Variants in ADGRB1 observed in about 807,000 individuals in gnomAD.
ADGRB1 encodes the protein brain-specific angiogenesis inhibitor 1.
ADGRB1 carries 36 observed loss-of-function variants against 175.7 expected under a neutral mutation model. The ratio of observed to expected loss-of-function variants is 0.20; its 90% CI spans 0.16 to 0.27. ADGRB1 has a LOEUF of 0.27. Among genes scored for constraint, ADGRB1 ranks in the 10% least tolerant of loss-of-function variants. The pLI is 1.00. For missense variants in ADGRB1, 1,731 were observed against 2,255.3 expected, an observed-to-expected ratio of 0.77 and a Z score of 4.71; for synonymous variants, 1,054 against 979.4, an observed-to-expected ratio of 1.08 and a Z score of -1.42.
intron 27 of ADGRB1, among the ~76,000 whole-genome samples, chr8:142,541,024 C>A (rs1255983094): frequency 6.6e-6 from 1 of 152,062 alleles, no homozygotes. Context: ...AAGGGAGCAG[C>A]TGGTGAACAC....
At chr8:142,475,372 C>T in intron 2 of ADGRB1, 102 bp from the exon 3 acceptor site, 1 of 1,173,876 alleles carries the variant, frequency 8.5e-7, no homozygotes, top group Non-Finnish European at 1.1e-6. Flanking sequence ...CGGCCCCTCC[C>T]CACCCGGGCC....
intron 17 of ADGRB1, among the ~76,000 whole-genome samples, chr8:142,509,410 T>G (rs2132028846): frequency 6.6e-6 from 1 of 152,288 alleles, no homozygotes; most frequent in Middle Eastern, 3.4e-3. Context: ...AGGTGTCTGA[T>G]CAGAGGCGGC....
intron 18 of ADGRB1, among the ~76,000 whole-genome samples, chr8:142,514,494 T>C (rs964916230): frequency 6.6e-6 from 1 of 152,090 alleles, no homozygotes. Flanking sequence ...CTAGGTGATA[T>C]ATTTATGGCA....
intron 9 of ADGRB1, among the ~76,000 whole-genome samples, chr8:142,480,106 C>A (rs1398408086): frequency 6.6e-6 from 1 of 152,246 alleles, no homozygotes; most frequent in Non-Finnish European, 1.5e-5. Flanking sequence ...GAAGTGAATG[C>A]CCTTGCCCGG....
At chr8:142,529,175 CAT>C (rs142392291) in intron 24 of ADGRB1, among the ~76,000 whole-genome samples, 13,940 of 152,254 alleles carry the variant, frequency 0.092, 980 homozygotes, top group East Asian at 0.3. Flanking sequence ...CATGAGCACA[CAT>C]GTGAGAGCAT....
intron 24 of ADGRB1, among the ~76,000 whole-genome samples, chr8:142,528,713 T>C (rs1844395519): frequency 6.6e-6 from 1 of 152,090 alleles, no homozygotes; most frequent in Non-Finnish European, 1.5e-5. Flanking sequence ...TCACCTTCTG[T>C]TTGTTTTATG....
intron 23 of ADGRB1, among the ~76,000 whole-genome samples, chr8:142,525,966 G>A (rs1055920817): frequency 2.6e-5 from 4 of 152,152 alleles, no homozygotes; most frequent in Non-Finnish European, 5.9e-5. Flanking sequence ...GTGGCTTCCC[G>A]GGGGTGCTCC....
At chr8:142,530,336 G>A (rs544658566) in intron 24 of ADGRB1, among the ~76,000 whole-genome samples, 1 of 152,228 alleles carries the variant, frequency 6.6e-6, no homozygotes, top group East Asian at 1.9e-4. Flanking sequence ...CTGACCTTGG[G>A]CAGCCTTAGC....
Position 142,544,345 on chromosome 8 carries a change from G to A in ADGRB1, c.4683G>A (p.Val1561=). The A allele has an allele frequency of 1.9e-6, 3 of 1,545,908 alleles. No homozygotes were observed. The highest frequency in any genetic ancestry group is 2.0e-5 in the Admixed American group (1 of 50,360). ...CGTCGCCGCTGGAGCTTCGCAGCGTGGAGTGGGAGAGGTCGGGCGCCACGA... is the reference window on the plus strand; with the variant it reads ...CGTCGCCGCTGGAGCTTCGCAGCGTAGAGTGGGAGAGGTCGGGCGCCACGA... ...LQPSPLELRS[V]EWERSGATIP... is the part of the protein sequence containing the mutation. Residue 1561 remains valine (V), a synonymous_variant, in exon 31 of 31, where the codon GTG becomes GTA. Transcript: ENST00000517894.
At position 142,455,497 on chromosome 8, in the gene ADGRB1, G is replaced by A. The variant is rs186618793; in HGVS notation, c.-220+5393G>A. 5.9e-5 allele frequency among the ~76,000 whole-genome samples: 9 copies of A among 152,298 alleles called. No individual in the cohort carries two copies. The highest frequency in any genetic ancestry group is 4.1e-4 in the South Asian group (2 of 4,828). On this transcript the variant is annotated intron_variant, in intron 1 of 30. Transcript: ENST00000517894. This position sits in a 1 kb window ranked among gnomAD's most constrained non-coding sequence, Gnocchi z 4.9. ...TTGCCTTCCTGGGAGAGGAGCATGCGGCAGGCTGGTCCCCTGCAGCCCACC... is the reference window on the plus strand; with the variant it reads ...TTGCCTTCCTGGGAGAGGAGCATGCAGCAGGCTGGTCCCCTGCAGCCCACC...
intron 9 of ADGRB1, among the ~76,000 whole-genome samples, chr8:142,480,309 C>T (rs1841265258): frequency 6.6e-6 from 1 of 152,192 alleles, no homozygotes; most frequent in African/African-American, 2.4e-5. Flanking sequence ...AACTCTGGTT[C>T]TGCCCTTGTT....
rs558977896 is a variant in ADGRB1, at chr8:142,539,270, C to CG, written c.3667-100dup. ...GCTGTGGACATGGACAGGGGTTCCT[C>CG]GGGGCAGCAGGAGCACCGTGGCCCT... On this transcript the variant is annotated intron_variant, in intron 26 of 30. Coordinates refer to ENST00000517894, the MANE Select transcript of ADGRB1 (RefSeq NM_001702.3). 3.7e-4 allele frequency: 448 copies of CG among 1,222,158 alleles called. 2 individuals are homozygous for CG. The African/African-American group carries it at 6.3e-3, about 17-fold the overall frequency. The allele number at this position is 1,222,158 out of a possible 1,614,324, so 75.7% of individuals were successfully genotyped here.
rs972290035 is a variant in ADGRB1 at position 142,501,530 on chromosome 8, G to C, written c.2676-9402G>C. Among the ~76,000 whole-genome samples, 46 of 147,286 alleles carry C rather than the reference G, an allele frequency of 3.1e-4. 2 individuals carry two copies. Among genetic ancestry groups the C allele is most frequent in the Admixed American group, 9.3e-4 (14 of 15,120 alleles). Reference sequence around the variant, plus strand: ...GTGTGGTTTTGACGATGGAGGTGGGGTGGTGGTGGTGATGGTGATGTGGTG... The same window carrying C: ...GTGTGGTTTTGACGATGGAGGTGGGCTGGTGGTGGTGATGGTGATGTGGTG... On this transcript the variant is annotated intron_variant, in intron 17 of 30. Transcript: ENST00000517894.
chr8:142,458,433 TC>T (rs1361808776), intron 1 of ADGRB1, among the ~76,000 whole-genome samples: 2 of 152,166 alleles, frequency 1.3e-5, no homozygotes, highest in African/African-American at 4.8e-5. Context: ...CTTGCCCACC[TC>T]ATGCAGAAGC....
In ADGRB1 at chr8:142,493,491, C is replaced by T. The variant is rs1208378602; in HGVS notation, c.2675+2676C>T. Among the ~76,000 whole-genome samples the T allele has an allele frequency of 3.3e-5, 5 of 152,224 alleles. 1 individual carries two copies. The highest frequency in any genetic ancestry group is 7.3e-5 in the Non-Finnish European group (5 of 68,032). On this transcript the variant is annotated intron_variant, in intron 17 of 30. Coordinates refer to ENST00000517894, the MANE Select transcript of ADGRB1 (RefSeq NM_001702.3). This position sits in a 1 kb window ranked among gnomAD's most constrained non-coding sequence, Gnocchi z 5.0. ...CCAGGTGTTCCACCCACCCCGTCAC[C>T]GGCTGGGTGCGCTGAGTGCTAAGGT... is the stretch of plus-strand genomic sequence containing the variant.
intron 2 of ADGRB1, among the ~76,000 whole-genome samples, chr8:142,465,914 G>C (rs1004615944): frequency 5.9e-5 from 9 of 152,216 alleles, no homozygotes; most frequent in African/African-American, 1.9e-4. Context: ...CAGCCTCTGG[G>C]ACACTGGCTT....
intron 2 of ADGRB1, among the ~76,000 whole-genome samples, chr8:142,472,000 C>T (rs562882297): frequency 5.9e-5 from 9 of 152,210 alleles, no homozygotes; most frequent in Non-Finnish European, 1.3e-4. Context: ...GTGCCTGGGA[C>T]CTGGTGGCAG....
intron 24 of ADGRB1, among the ~76,000 whole-genome samples, chr8:142,528,799 C>T (rs1844403536): frequency 6.6e-6 from 1 of 152,240 alleles, no homozygotes; most frequent in African/African-American, 2.4e-5. Context: ...ATCCACTGCC[C>T]TCAGCTCCTC....
intron 24 of ADGRB1, among the ~76,000 whole-genome samples, chr8:142,530,338 A>G (rs1308183394): frequency 6.6e-6 from 1 of 152,118 alleles, no homozygotes; most frequent in African/African-American, 2.4e-5. Flanking sequence ...GACCTTGGGC[A>G]GCCTTAGCAG....
Sources: gnomAD v4.1 joint callset for allele counts (sites outside exome capture counted in the v4.1 genomes callset) on GRCh38, gnomAD v4.1.1 for gene constraint, Gnocchi (gnomAD v3.1) non-coding constraint, MANE v1.5 for transcripts, NCBI Gene and HGNC (gene_info 2026-07-23, HGNC 2026-07-21) for gene names.